LYPD6B: variants seen among roughly 807,000 people sequenced by gnomAD.
The protein encoded by LYPD6B is ly6/PLAUR domain-containing protein 6B.
LYPD6B carries 17 observed loss-of-function variants against 22.8 expected under a neutral mutation model. The ratio of observed to expected loss-of-function variants is 0.75; its 90% confidence interval spans 0.51 to 1.12. The LOEUF (loss-of-function observed/expected upper bound fraction) is 1.12. Among genes scored for constraint, LYPD6B ranks in the 50% most tolerant of loss-of-function variants. LYPD6B has a pLI of 0.00. For synonymous variants in LYPD6B, 106 were observed against 91.6 expected, an observed-to-expected ratio of 1.16 and a Z score of -0.90; for missense variants, 221 against 258.3, an observed-to-expected ratio of 0.86 and a Z score of 0.99.
chr2:149,120,383 A>ATATATTTTTTTTTTTTTT (rs1327065975), intron 1 of LYPD6B, among the ~76,000 whole-genome samples: 2 of 48,612 alleles, frequency 4.1e-5, no homozygotes, highest in African/African-American at 2.1e-4. Context: ...ATATATATAT[A>ATATATTTTTTTTTTTTTT]TTTTTTTTTT....
At chr2:149,189,214 T>G (rs1165807689) in intron 3 of LYPD6B, among the ~76,000 whole-genome samples, 1 of 151,716 alleles carries the variant, frequency 6.6e-6, no homozygotes, top group African/African-American at 2.4e-5. Context: ...GAACCTCAAA[T>G]GTAGTCGTGG....
chr2:149,054,917 TTATC>T (rs1245089231), intron 1 of LYPD6B, among the ~76,000 whole-genome samples: 1 of 152,148 alleles, frequency 6.6e-6, no homozygotes, highest in East Asian at 1.9e-4. Context: ...GAAGTCCTAT[TTATC>T]TATTTTTTTT....
intron 1 of LYPD6B, among the ~76,000 whole-genome samples, chr2:149,073,123 T>C (rs964884089): frequency 1.3e-5 from 2 of 152,074 alleles, no homozygotes; most frequent in Admixed American, 6.6e-5. Context: ...ATGATAATGG[T>C]GAGGTAGGCA....
rs143951731 is a variant in LYPD6B, at chr2:149,191,783, C to T, written c.78-13470C>T. On this transcript the variant is annotated intron_variant, in intron 3 of 6. Transcript: ENST00000409642. The stretch of plus-strand genomic sequence containing the variant: ...ATGTGACAGTGAATGTGATCCCTAA[C>T]GAAAGTACTAGTAATAGCATCCTGC... Among the ~76,000 whole-genome samples, 813 of 152,164 alleles carry T rather than the reference C, an allele frequency of 5.3e-3. 6 individuals are homozygous for T. Among genetic ancestry groups the T allele is most frequent in the African/African-American group, 0.015 (635 of 41,536 alleles).
intron 5 of LYPD6B, among the ~76,000 whole-genome samples, chr2:149,212,405 G>C (rs868403026): frequency 1.2e-5 from 1 of 82,452 alleles, no homozygotes; most frequent in African/African-American, 4.1e-5. Context: ...AAAAAAAAAA[G>C]AAATTATTAG....
chr2:149,187,962 A>G (rs961540740), intron 3 of LYPD6B, among the ~76,000 whole-genome samples: 3 of 152,246 alleles, frequency 2.0e-5, no homozygotes, highest in Admixed American at 2.0e-4. Flanking sequence ...AAGATTTTGA[A>G]TGTGGCAAAG....
chr2:149,133,486 G>A (rs765016462), intron 2 of LYPD6B, among the ~76,000 whole-genome samples: 1 of 152,184 alleles, frequency 6.6e-6, no homozygotes, highest in African/African-American at 2.4e-5. Context: ...TCACAACTAG[G>A]CATTGGTATT....
chr2:149,117,926 C>G (rs747583037), intron 1 of LYPD6B, among the ~76,000 whole-genome samples: 6 of 152,156 alleles, frequency 3.9e-5, no homozygotes, highest in Admixed American at 6.5e-5. Context: ...GTAGTCACGT[C>G]TAGGCTAGGG....
intron 1 of LYPD6B, among the ~76,000 whole-genome samples, chr2:149,041,718 A>C (rs892363987): frequency 6.6e-6 from 1 of 152,200 alleles, no homozygotes; most frequent in Admixed American, 6.5e-5. Context: ...GGAGATGCCT[A>C]GGGTGTGGCT....
At chr2:149,070,283 CT>C (rs1325040431) in intron 1 of LYPD6B, among the ~76,000 whole-genome samples, 3 of 152,130 alleles carry the variant, frequency 2.0e-5, no homozygotes, top group African/African-American at 7.2e-5. Flanking sequence ...AGAAGGCTGG[CT>C]TTCTCACTTT....
chr2:149,078,584 G>A (rs1483187170), intron 1 of LYPD6B, among the ~76,000 whole-genome samples: 3 of 152,144 alleles, frequency 2.0e-5, no homozygotes, highest in Admixed American at 6.5e-5. Context: ...TAGCTATGGA[G>A]GTCTGTCTCG....
intron 5 of LYPD6B, 94 bp from the exon 6 acceptor site, chr2:149,212,898 C>A: frequency 7.8e-7 from 1 of 1,290,128 alleles, no homozygotes; most frequent in Non-Finnish European, 1.1e-6. Flanking sequence ...GAATTTGAGT[C>A]CTTTCTGCAT....
intron 1 of LYPD6B, among the ~76,000 whole-genome samples, chr2:149,120,782 G>GTT (rs1559010612): frequency 1.2e-5 from 1 of 85,814 alleles, no homozygotes; most frequent in Non-Finnish European, 2.1e-5. Context: ...ATGCTACAAA[G>GTT]TCTTTTTTTT....
At chr2:149,073,917 T>C (rs550356886) in intron 1 of LYPD6B, among the ~76,000 whole-genome samples, 1 of 151,762 alleles carries the variant, frequency 6.6e-6, no homozygotes, top group East Asian at 1.9e-4. Flanking sequence ...GTGACGGCTG[T>C]ACGAAAGGAG....
Position 149,136,712 on chromosome 2 carries a change from C to G in LYPD6B, c.5+5759C>G, listed in dbSNP as rs545364111. 2.6e-5 allele frequency among the ~76,000 whole-genome samples: 4 copies of G among 152,266 alleles called. No individual in the cohort carries two copies. In the East Asian group the frequency reaches 7.7e-4, roughly 29 times the overall value. On this transcript the variant is annotated intron_variant, in intron 2 of 6. Coordinates refer to ENST00000409642, the MANE Select transcript of LYPD6B (RefSeq NM_177964.5). ...CTGCAGAGGCATTTGTCCTTGCTGA[C>G]TTATAAGCTTTGTGAGAAAATAATT...
At position 149,122,236 on chromosome 2, in the gene LYPD6B, A is replaced by G. The variant is rs6719845; in HGVS notation, c.-66-8647A>G. 2.4e-3 allele frequency among the ~76,000 whole-genome samples: 362 copies of G among 152,228 alleles called. 2 individuals carry two copies. Among genetic ancestry groups the G allele is most frequent in the African/African-American group, 7.6e-3 (316 of 41,522 alleles). ...TCAGCACTGCCGAGATCGTGTCACA[A>G]GTCTGTGGGTGCTGTGCTTGCTCTG... On this transcript the variant is annotated intron_variant, in intron 1 of 6. Coordinates refer to ENST00000409642, the MANE Select transcript of LYPD6B (RefSeq NM_177964.5).
At chr2:149,189,635 A>G (rs1011008236) in intron 3 of LYPD6B, among the ~76,000 whole-genome samples, 1 of 151,944 alleles carries the variant, frequency 6.6e-6, no homozygotes, top group African/African-American at 2.4e-5. Flanking sequence ...GCACATCACA[A>G]CACTATATAC....
Position 149,172,739 on chromosome 2 carries a change from C to A in LYPD6B, c.77+11904C>A, listed in dbSNP as rs527812558. ...TCTATGTAGGTGGGTACTGTCCAATCCATTAAGGGCCTGAACAGAACGAAA... is the reference window on the plus strand; with the variant it reads ...TCTATGTAGGTGGGTACTGTCCAATACATTAAGGGCCTGAACAGAACGAAA... On this transcript the variant is annotated intron_variant, in intron 3 of 6. Transcript: ENST00000409642. Among the ~76,000 whole-genome samples the A allele has an allele frequency of 3.3e-5, 5 of 152,172 alleles. No homozygotes were observed. In the East Asian group the frequency reaches 7.7e-4, roughly 24 times the overall value.
chr2:149,123,885 A>T (rs982974552), intron 1 of LYPD6B, among the ~76,000 whole-genome samples: 5 of 152,332 alleles, frequency 3.3e-5, no homozygotes, highest in East Asian at 3.9e-4. Flanking sequence ...ATAATAATTT[A>T]AAAATGCTGT....
Sources: allele counts gnomAD v4.1 joint callset (sites outside exome capture counted in the v4.1 genomes callset), GRCh38; gene constraint gnomAD v4.1.1; transcripts MANE v1.5; gene names NCBI Gene and HGNC (gene_info 2026-07-23, HGNC 2026-07-21).